Variants in SFRP4 observed in about 807,000 individuals in gnomAD.
SFRP4 encodes secreted frizzled related protein 4.
Under a neutral mutation model 36.3 loss-of-function variants are expected in SFRP4, and 25 were observed. The ratio of observed to expected loss-of-function variants is 0.69; its 90% CI spans 0.50 to 0.96. SFRP4 has a LOEUF of 0.96. SFRP4 is among the 40% of genes least tolerant of loss of function. The probability of loss-of-function intolerance (pLI) is 0.00; values close to 1 mark genes in which losing one functional copy is unlikely to be tolerated. For synonymous variants in SFRP4, 182 were observed against 168.8 expected, an observed-to-expected ratio of 1.08 and a Z score of -0.60; for missense variants, 487 against 459.6, an observed-to-expected ratio of 1.06 and a Z score of -0.54.
chr7:37,914,206 G>T lies in SFRP4; in HGVS notation c.592+7C>A, dbSNP rs370943434. On this transcript the variant is annotated splice_region_variant and intron_variant, in intron 3 of 5. Coordinates refer to ENST00000436072, the MANE Select transcript of SFRP4 (RefSeq NM_003014.4). ...TCAAAAGTAAATGGCTTTAACAGAC[G>T]ACTTACCATAGCTGTAGTTTTTGCT... is the stretch of plus-strand genomic sequence containing the variant. 2.5e-6 allele frequency: 4 copies of T among 1,610,688 alleles called. No homozygotes were observed. In the Admixed American group the frequency reaches 5.0e-5, roughly 20 times the overall value.
Position 37,907,254 on chromosome 7 carries a change from C to T in SFRP4, c.*225G>A, listed in dbSNP as rs1785410442. The T allele has an allele frequency of 2.3e-6, 1 of 440,044 alleles. No individual in the cohort carries two copies. Among genetic ancestry groups the T allele is most frequent in the African/African-American group, 2.0e-5 (1 of 50,424 alleles). 27.3% of individuals were successfully genotyped at this position (440,044 alleles called of 1,614,324 possible). A position where few individuals can be genotyped will look rare whatever the true frequency, so the allele number is the denominator to read the frequency against. On this transcript the variant is annotated 3_prime_UTR_variant, in exon 6 of 6. Coordinates refer to ENST00000436072, the MANE Select transcript of SFRP4 (RefSeq NM_003014.4). ...AATAAGCCTTTTCCACCAGCTTTAA[C>T]TCACCTTCTGTACCAAAGGGCAAAC...
At chr7:37,910,317 C>A (rs1278465757) in intron 4 of SFRP4, among the ~76,000 whole-genome samples, 1 of 151,730 alleles carries the variant, frequency 6.6e-6, no homozygotes, top group Non-Finnish European at 1.5e-5. Flanking sequence ...TATCTGTATT[C>A]TATTTGTATT....
intron 4 of SFRP4, chr7:37,909,904 T>C (rs1583653778): frequency 3.4e-6 from 1 of 297,676 alleles, no homozygotes; most frequent in East Asian, 5.8e-5. Flanking sequence ...CAAATTTCCT[T>C]TTGTCATTAT....
chr7:37,915,988 G>A, intron 1 of SFRP4, 105 bp downstream of exon 1: 1 of 1,482,686 alleles, frequency 6.7e-7, no homozygotes, highest in South Asian at 1.4e-5. Context: ...CCTCCTACAA[G>A]CCTCAGACGC....
Position 37,912,116 on chromosome 7 carries a change from T to G in SFRP4, c.791+3A>C, listed in dbSNP as rs753865910. 15 of 1,612,460 alleles carry G rather than the reference T, an allele frequency of 9.3e-6. No individual in the cohort carries two copies. Among genetic ancestry groups the G allele is most frequent in the Non-Finnish European group, 1.3e-5 (15 of 1,178,478 alleles). ...ACAGTTCCTTCTGCCTCTTTGTGCC[T>G]ACCTTGAGCGCCACTCGTAACACAT... On this transcript the variant is annotated splice_donor_region_variant and intron_variant, in intron 4 of 5. Coordinates refer to ENST00000436072, the MANE Select transcript of SFRP4 (RefSeq NM_003014.4).
intron 3 of SFRP4, among the ~76,000 whole-genome samples, chr7:37,912,874 T>C (rs1050560975): frequency 6.6e-6 from 1 of 152,248 alleles, no homozygotes; most frequent in Non-Finnish European, 1.5e-5. Context: ...TGGCTGTTAA[T>C]GTCACTGTCT....
At position 37,914,390 on chromosome 7, in the gene SFRP4, C is replaced by T. The variant is rs764850380; in HGVS notation, c.509G>A (p.Cys170Tyr). 2 of 1,613,752 alleles carry T rather than the reference C, an allele frequency of 1.2e-6. No individual in the cohort carries two copies. The highest frequency in any genetic ancestry group is 1.7e-5 in the Admixed American group (1 of 60,020). Residue 170 changes from cysteine (C) to tyrosine (Y), a missense_variant, in exon 2 of 6, where the codon TGT (cysteine) becomes TAT (tyrosine). Coordinates refer to ENST00000436072, the MANE Select transcript of SFRP4 (RefSeq NM_003014.4). ...MVQERPLDVD[C>Y]KRLSPDRCKC... ...GAACTCACCGGGGCTTAGGCGTTTACAGTCAACATCAAGAGGCCTTTCCTG... is the reference window on the plus strand; with the variant it reads ...GAACTCACCGGGGCTTAGGCGTTTATAGTCAACATCAAGAGGCCTTTCCTG...
At chr7:37,911,764 G>A (rs1237929880) in intron 4 of SFRP4, among the ~76,000 whole-genome samples, 1 of 152,132 alleles carries the variant, frequency 6.6e-6, no homozygotes, top group Non-Finnish European at 1.5e-5. Context: ...TGATCTGTAA[G>A]CTATTAAAGT....
intron 1 of SFRP4, among the ~76,000 whole-genome samples, chr7:37,914,945 C>A (rs1785550278): frequency 6.6e-6 from 1 of 152,160 alleles, no homozygotes; most frequent in South Asian, 2.1e-4. Flanking sequence ...ATAATGATAT[C>A]CAGGGCTTAG....
intron 5 of SFRP4, among the ~76,000 whole-genome samples, chr7:37,908,630 GCAAGCT>G (rs1785435010): frequency 1.3e-5 from 2 of 152,184 alleles, no homozygotes; most frequent in Admixed American, 1.3e-4. Flanking sequence ...TTTCCTCTTG[GCAAGCT>G]CAGGTTCTCA....
chr7:37,916,759 C>G lies in SFRP4; in HGVS notation c.-222G>C. 2 of 690,734 alleles carry G rather than the reference C, an allele frequency of 2.9e-6. No individual in the cohort carries two copies. The highest frequency in any genetic ancestry group is 4.7e-6 in the Non-Finnish European group (2 of 422,366). The allele number at this position is 690,734 out of a possible 1,614,324, so 42.8% of individuals were successfully genotyped here. A position where few individuals can be genotyped will look rare whatever the true frequency, so the allele number is the denominator to read the frequency against. ...ACGAGCAGCGCCAGCTCTCAGCCTTCGGGGCGCGAACCCGCCCGGGCAGCT... is the reference window on the plus strand; with the variant it reads ...ACGAGCAGCGCCAGCTCTCAGCCTTGGGGGCGCGAACCCGCCCGGGCAGCT... On this transcript the variant is annotated 5_prime_UTR_variant, in exon 1 of 6. Transcript: ENST00000436072. The surrounding 1 kb of genome is among the most constrained non-coding windows in gnomAD (Gnocchi z 4.1).
At chr7:37,913,098 A>G (rs182695055) in intron 3 of SFRP4, among the ~76,000 whole-genome samples, 1 of 152,346 alleles carries the variant, frequency 6.6e-6, no homozygotes, top group East Asian at 1.9e-4. Flanking sequence ...AACTCAGATT[A>G]ATATCTCAGG....
intron 1 of SFRP4, 43 bp from the exon 2 acceptor site, chr7:37,914,496 G>A: frequency 7.1e-7 from 1 of 1,404,106 alleles, no homozygotes. Flanking sequence ...TGGTGATTTG[G>A]TCTGTTCACC....
At chr7:37,908,626 C>T (rs1271189304) in intron 5 of SFRP4, among the ~76,000 whole-genome samples, 2 of 152,198 alleles carry the variant, frequency 1.3e-5, no homozygotes, top group Non-Finnish European at 2.9e-5. Context: ...ATGCTTTCCT[C>T]TTGGCAAGCT....
Position 37,916,801 on chromosome 7 carries a change from C to G in SFRP4, c.-264G>C, listed in dbSNP as rs1185774705. The G allele has an allele frequency of 3.6e-6, 2 of 549,864 alleles. No individual in the cohort carries two copies. The highest frequency in any genetic ancestry group is 6.5e-5 in the Admixed American group (2 of 30,610). The allele number at this position is 549,864 out of a possible 1,614,324, so 34.1% of individuals were successfully genotyped here. On this transcript the variant is annotated 5_prime_UTR_variant, in exon 1 of 6. Transcript: ENST00000436072. The surrounding 1 kb of genome is among the most constrained non-coding windows in gnomAD (Gnocchi z 4.1). ...CGGGCAGCTCCAGTCCCGGACTCCG[C>G]AGCTCGGAGCGCAGCCAGCCACGGC... is the stretch of plus-strand genomic sequence containing the variant.
chr7:37,915,333 G>A (rs1444288199), intron 1 of SFRP4, among the ~76,000 whole-genome samples: 2 of 152,152 alleles, frequency 1.3e-5, no homozygotes, highest in Non-Finnish European at 2.9e-5. Context: ...GCAATGCTCT[G>A]GGGTATAACT....
chr7:37,916,490 C>G lies in SFRP4; in HGVS notation c.48G>C (p.Ala16=). ...LVALCLWLHL[A]LGVRGAPCEA... The stretch of plus-strand genomic sequence containing the variant: ...CGCAGGGCGCGCCGCGCACGCCCAG[C>G]GCCAGGTGCAGCCACAGGCACAGCG... Residue 16 remains alanine (A), a synonymous_variant, in exon 1 of 6, where the codon GCG becomes GCC. Coordinates refer to ENST00000436072, the MANE Select transcript of SFRP4 (RefSeq NM_003014.4). This position sits in a 1 kb window ranked among gnomAD's most constrained non-coding sequence, Gnocchi z 4.1. 8.1e-6 allele frequency: 13 copies of G among 1,612,546 alleles called. No homozygotes were observed. Among genetic ancestry groups the G allele is most frequent in the Non-Finnish European group, 1.0e-5 (12 of 1,179,536 alleles).
At chr7:37,912,051 G>A (rs1419681349) in intron 4 of SFRP4, 68 bp downstream of exon 4, 9 of 1,215,652 alleles carry the variant, frequency 7.4e-6, no homozygotes, top group Non-Finnish European at 9.4e-6. Flanking sequence ...TTTAAACCAT[G>A]ACTGCTAACT....
In SFRP4 at chr7:37,914,400, C is replaced by G. The variant is rs1325924983; in HGVS notation, c.499G>C (p.Asp167His). Residue 167 changes from aspartate (D) to histidine (H), a missense_variant, in exon 2 of 6, where the codon GAT (aspartate) becomes CAT (histidine). Asp to His is a moderately conservative substitution (Grantham distance 81). Transcript: ENST00000436072. ...PDMMVQERPL[D>H]VDCKRLSPDR... ...GGGCTTAGGCGTTTACAGTCAACAT[C>G]AAGAGGCCTTTCCTGTACCATCATG... The G allele has an allele frequency of 5.0e-6, 8 of 1,613,944 alleles. No individual in the cohort carries two copies. Among genetic ancestry groups the G allele is most frequent in the Non-Finnish European group, 6.8e-6 (8 of 1,179,908 alleles).
Sources: gnomAD v4.1 joint callset for allele counts (sites outside exome capture counted in the v4.1 genomes callset) on GRCh38, gnomAD v4.1.1 for gene constraint, Gnocchi (gnomAD v3.1) non-coding constraint, MANE v1.5 for transcripts, NCBI Gene and HGNC (gene_info 2026-07-23, HGNC 2026-07-21) for gene names.